Variants in ATP10B observed in about 807,000 individuals in gnomAD.
ATP10B encodes phospholipid-transporting ATPase VB.
In ATP10B, 122 loss-of-function variants were observed where a neutral mutation model predicts 141.2. The observed-to-expected ratio is 0.86, with a 90% CI of 0.75 to 1.00. The LOEUF (loss-of-function observed/expected upper bound fraction) is 1.00, where lower values mean the gene tolerates loss of function less well. Ranked by LOEUF, ATP10B falls within the 50% of genes least tolerant of loss-of-function variation. The probability of loss-of-function intolerance (pLI) is 0.00; values close to 1 mark genes in which losing one functional copy is unlikely to be tolerated. For missense variants in ATP10B, 1,876 were observed against 1,825.3 expected (o/e 1.03, Z -0.51); for synonymous variants, 685 against 692.0 (o/e 0.99, Z 0.16).
the ATP10B span, among the ~76,000 whole-genome samples, chr5:160,897,555 GA>G: frequency 6.6e-6 from 1 of 152,102 alleles, no homozygotes. Flanking sequence ...CAAACAAGTG[GA>G]AAAACATGTC....
chr5:160,648,306 A>G (rs1461097707), intron 8 of ATP10B, among the ~76,000 whole-genome samples: 1 of 152,212 alleles, frequency 6.6e-6, no homozygotes, highest in Non-Finnish European at 1.5e-5. Flanking sequence ...AAACTTTCTT[A>G]AAACATTATG....
intron 3 of ATP10B, among the ~76,000 whole-genome samples, chr5:160,694,973 G>A (rs975626268): frequency 5.9e-5 from 9 of 152,136 alleles, no homozygotes; most frequent in African/African-American, 2.2e-4. Flanking sequence ...TATAATCAGC[G>A]TTCCAATGAG....
chr5:160,589,010 GT>G (rs1446333442), intron 24 of ATP10B, among the ~76,000 whole-genome samples: 1 of 151,996 alleles, frequency 6.6e-6, no homozygotes, highest in African/African-American at 2.4e-5. Flanking sequence ...CGCCTGAACT[GT>G]TTTTGTTTTT....
chr5:160,672,606 A>G (rs1292066761), intron 6 of ATP10B, among the ~76,000 whole-genome samples: 2 of 152,222 alleles, frequency 1.3e-5, no homozygotes, highest in Non-Finnish European at 2.9e-5. Context: ...TTTCTAACTG[A>G]GCCCAGCTGG....
chr5:160,800,121 C>T (rs1384226915), intron 1 of ATP10B, among the ~76,000 whole-genome samples: 3 of 152,172 alleles, frequency 2.0e-5, no homozygotes, highest in African/African-American at 7.2e-5. Context: ...TATTGAGTGT[C>T]ATAATCTTGG....
In ATP10B at chr5:160,836,192, T is replaced by C. The variant is rs150671355; in HGVS notation, c.-576+15749A>G. On this transcript the variant is annotated intron_variant, in intron 1 of 25. Coordinates refer to ENST00000327245, the MANE Select transcript of ATP10B (RefSeq NM_025153.3). ...ACACTAAAAGCTGGGACTTCATCAC[T>C]ATGAAATATATCCATATAACAAAAT... 4.0e-3 allele frequency among the ~76,000 whole-genome samples: 602 copies of C among 152,252 alleles called. 4 individuals carry two copies. The highest frequency in any genetic ancestry group is 0.014 in the African/African-American group (568 of 41,554).
chr5:160,895,032 C>G, the ATP10B span, among the ~76,000 whole-genome samples: 14 of 152,158 alleles, frequency 9.2e-5, no homozygotes, highest in African/African-American at 3.4e-4. Flanking sequence ...CCAGGACTGC[C>G]TTACAAGAGC....
Position 160,751,563 on chromosome 5 carries a change from C to A in ATP10B, c.-331+33996G>T, listed in dbSNP as rs114421784. On this transcript the variant is annotated intron_variant, in intron 2 of 25. Transcript: ENST00000327245. ...AGATGAGGATTTATCCTACTGTCTG[C>A]AAAATACCTAATCACCCAAAGGACT... is the stretch of plus-strand genomic sequence containing the variant. Among the ~76,000 whole-genome samples, 1,270 of 151,930 alleles carry A rather than the reference C, an allele frequency of 8.4e-3. 18 individuals are homozygous for A. The highest frequency in any genetic ancestry group is 0.029 in the African/African-American group (1,198 of 41,408).
intron 2 of ATP10B, among the ~76,000 whole-genome samples, chr5:160,774,988 C>T (rs921948900): frequency 4.6e-5 from 7 of 152,198 alleles, no homozygotes; most frequent in Non-Finnish European, 1.0e-4. Context: ...ATGCCAGCAT[C>T]GCTGCCTCCG....
chr5:160,725,878 C>T (rs73798530), intron 2 of ATP10B, among the ~76,000 whole-genome samples: 7 of 152,098 alleles, frequency 4.6e-5, no homozygotes, highest in African/African-American at 7.2e-5. Context: ...ATCTGGAAAC[C>T]GAGGCCCTGA....
intron 1 of ATP10B, among the ~76,000 whole-genome samples, chr5:160,806,932 T>C (rs1175396327): frequency 6.6e-6 from 1 of 152,166 alleles, no homozygotes; most frequent in African/African-American, 2.4e-5. Context: ...GGAAATTTCC[T>C]TCATGTAGGA....
At chr5:160,592,619 C>T (rs933419910) in intron 22 of ATP10B, among the ~76,000 whole-genome samples, 2 of 152,228 alleles carry the variant, frequency 1.3e-5, no homozygotes, top group African/African-American at 4.8e-5. Context: ...GGCATTGCCT[C>T]ATTCGGGAAG....
intron 2 of ATP10B, among the ~76,000 whole-genome samples, chr5:160,754,658 A>G (rs1768389847): frequency 6.6e-6 from 1 of 152,188 alleles, no homozygotes; most frequent in Admixed American, 6.5e-5. Flanking sequence ...TATCTAAGCA[A>G]TTATTGCCTT....
At chr5:160,893,136 G>A in the ATP10B span, among the ~76,000 whole-genome samples, 6 of 152,102 alleles carry the variant, frequency 3.9e-5, no homozygotes, top group Non-Finnish European at 7.3e-5. Flanking sequence ...GGCAGACACT[G>A]AGCTAGCTGC....
At chr5:160,771,599 A>C (rs940778167) in intron 2 of ATP10B, among the ~76,000 whole-genome samples, 5 of 152,228 alleles carry the variant, frequency 3.3e-5, no homozygotes, top group African/African-American at 1.2e-4. Flanking sequence ...TGCTTACTAT[A>C]GTCAAGCTAA....
At chr5:160,744,270 C>T (rs1025187908) in intron 2 of ATP10B, among the ~76,000 whole-genome samples, 1 of 152,140 alleles carries the variant, frequency 6.6e-6, no homozygotes, top group African/African-American at 2.4e-5. Flanking sequence ...GCTCAGAGGC[C>T]CAGGATTGCT....
intron 1 of ATP10B, among the ~76,000 whole-genome samples, chr5:160,808,251 A>G (rs1772918700): frequency 6.6e-6 from 1 of 152,176 alleles, no homozygotes; most frequent in Non-Finnish European, 1.5e-5. Flanking sequence ...AAAAAAGAAG[A>G]CTTTGGAGAA....
At chr5:160,911,834 C>T in the ATP10B span, among the ~76,000 whole-genome samples, 1 of 152,154 alleles carries the variant, frequency 6.6e-6, no homozygotes, top group Non-Finnish European at 1.5e-5. Flanking sequence ...AGTATTGCTC[C>T]TACCTCATCC....
chr5:160,879,770 G>A, the ATP10B span, among the ~76,000 whole-genome samples: 1 of 152,020 alleles, frequency 6.6e-6, no homozygotes, highest in Non-Finnish European at 1.5e-5. Context: ...CCCAGGAGGT[G>A]GAGCTTGTAG....
Sources: gnomAD v4.1 joint callset for allele counts (sites outside exome capture counted in the v4.1 genomes callset) on GRCh38, gnomAD v4.1.1 for gene constraint, MANE v1.5 for transcripts, NCBI Gene and HGNC (gene_info 2026-07-23, HGNC 2026-07-21) for gene names.